Variants in IL1RAPL1 observed in about 807,000 individuals in gnomAD.
IL1RAPL1 encodes the protein interleukin 1 receptor accessory protein like 1, also known as interleukin-1 receptor accessory protein-like 1.
Under a neutral mutation model 48.4 loss-of-function variants are expected in IL1RAPL1, and 3 were observed. The observed-to-expected ratio is 0.06, with a 90% CI of 0.03 to 0.16. The LOEUF is 0.16. IL1RAPL1 is among the 10% of genes least tolerant of loss of function. The pLI, the probability that IL1RAPL1 is intolerant of heterozygous loss-of-function variation, is 1.00. For missense variants in IL1RAPL1, 349 were observed against 530.6 expected, an observed-to-expected ratio of 0.66 and a Z score of 3.36; for synonymous variants, 185 against 187.7, an observed-to-expected ratio of 0.99 and a Z score of 0.12.
intron 2 of IL1RAPL1, among the ~76,000 whole-genome samples, chrX:28,954,158 G>A (rs1311584655): frequency 9.0e-6 from 1 of 111,106 alleles, no homozygotes; most frequent in Non-Finnish European, 1.9e-5. Context: ...CAATTTCAGT[G>A]TTCTTTCTTT....
At chrX:29,741,614 T>C (rs1193396920) in intron 6 of IL1RAPL1, among the ~76,000 whole-genome samples, 1 of 110,126 alleles carries the variant, frequency 9.1e-6, no homozygotes, top group Non-Finnish European at 1.9e-5. Flanking sequence ...CAGTCATAGA[T>C]TGAATGAGAA....
intron 5 of IL1RAPL1, among the ~76,000 whole-genome samples, chrX:29,621,847 T>G (rs1924471131): frequency 8.9e-6 from 1 of 112,042 alleles, no homozygotes; most frequent in African/African-American, 3.2e-5. Flanking sequence ...ACCCTACTGA[T>G]CTATCAAATA....
intron 2 of IL1RAPL1, among the ~76,000 whole-genome samples, chrX:29,252,283 GAA>G (rs1177070111): frequency 3.5e-5 from 1 of 28,921 alleles, no homozygotes; most frequent in African/African-American, 6.0e-5. Context: ...AAAGAAAAAA[GAA>G]AAAAAAAAAG....
rs190269468 is a variant in IL1RAPL1, at chrX:29,322,335, C to T, written c.362+39118C>T. On this transcript the variant is annotated intron_variant, in intron 3 of 10. Coordinates refer to ENST00000378993, the MANE Select transcript of IL1RAPL1 (RefSeq NM_014271.4). ...AGGCTGGAGTGCAATGGCACCAGCT[C>T]GGCCCACTGCAACCTCTGCCTCCTG... 6.0e-3 allele frequency among the ~76,000 whole-genome samples: 649 copies of T among 108,989 alleles called. 3 individuals carry two copies. The highest frequency in any genetic ancestry group is 0.021 in the African/African-American group (617 of 29,874). The allele number at this position is 108,989 out of a possible 115,157, so 94.6% of individuals were successfully genotyped here.
intron 5 of IL1RAPL1, among the ~76,000 whole-genome samples, chrX:29,628,956 T>G (rs1281108360): frequency 4.5e-5 from 5 of 112,192 alleles, no homozygotes. Context: ...AGACTTGTAA[T>G]AATAGCTCTG....
At chrX:29,204,647 G>A (rs1930627445) in intron 2 of IL1RAPL1, among the ~76,000 whole-genome samples, 1 of 112,101 alleles carries the variant, frequency 8.9e-6, no homozygotes, top group African/African-American at 3.2e-5. Context: ...ATTAATAATA[G>A]TTGTAGTAAT....
chrX:28,911,946 A>C (rs1923372026), intron 2 of IL1RAPL1, among the ~76,000 whole-genome samples: 1 of 106,079 alleles, frequency 9.4e-6, no homozygotes, highest in Admixed American at 1.1e-4. Context: ...CTTTAAGTGT[A>C]GCAAAACTGC....
intron 2 of IL1RAPL1, among the ~76,000 whole-genome samples, chrX:28,898,057 G>A (rs1922977141): frequency 9.0e-6 from 1 of 111,465 alleles, no homozygotes; most frequent in Middle Eastern, 4.7e-3. Context: ...GCAGGAACAG[G>A]CCATTTACAT....
At chrX:29,822,890 T>C (rs923697147) in intron 6 of IL1RAPL1, among the ~76,000 whole-genome samples, 1 of 112,054 alleles carries the variant, frequency 8.9e-6, no homozygotes, top group Non-Finnish European at 1.9e-5. Flanking sequence ...GAAGAACTTA[T>C]AGTGGAAGGA....
rs1381013829 is a variant in IL1RAPL1, at chrX:29,329,996, G to A, written c.362+46779G>A. ...TACTGTTACAGGGCTGCTGCTGGTGGTGGTGGAGGGTGATGCAGGAAAGGG... is the reference window on the plus strand; with the variant it reads ...TACTGTTACAGGGCTGCTGCTGGTGATGGTGGAGGGTGATGCAGGAAAGGG... On this transcript the variant is annotated intron_variant, in intron 3 of 10. Transcript: ENST00000378993. Among the ~76,000 whole-genome samples the A allele has an allele frequency of 1.4e-4, 15 of 110,849 alleles. No individual in the cohort carries two copies. The Admixed American group carries it at 1.4e-3, about 11-fold the overall frequency.
In IL1RAPL1 at chrX:29,542,379, T is replaced by C. The variant is rs201967241; in HGVS notation, c.704-126051T>C. ...TGCAGCCCATAATTATGACCAGGGG[T>C]ACTAAGCATGACTTTTTCACTTTCA... is the stretch of plus-strand genomic sequence containing the variant. On this transcript the variant is annotated intron_variant, in intron 5 of 10. Transcript: ENST00000378993. Among the ~76,000 whole-genome samples the C allele has an allele frequency of 1.8e-4, 20 of 111,637 alleles. No homozygotes were observed. The East Asian group carries it at 4.8e-3, about 27-fold the overall frequency.
At chrX:29,530,139 G>C (rs916775015) in intron 5 of IL1RAPL1, among the ~76,000 whole-genome samples, 2 of 110,986 alleles carry the variant, frequency 1.8e-5, no homozygotes, top group Admixed American at 9.6e-5. Flanking sequence ...TTGTATTTTT[G>C]GTTTAAGAAT....
intron 5 of IL1RAPL1, among the ~76,000 whole-genome samples, chrX:29,449,780 C>CACACACACACACAGAGAG (rs557765024): frequency 1.4e-4 from 8 of 58,243 alleles, no homozygotes; most frequent in South Asian, 2.3e-3. Context: ...CACACACACA[C>CACACACACACACAGAGAG]AGAGAGAGAG....
At chrX:28,839,111 T>TAA (rs1921298582) in intron 2 of IL1RAPL1, among the ~76,000 whole-genome samples, 1 of 112,038 alleles carries the variant, frequency 8.9e-6, no homozygotes, top group Admixed American at 9.5e-5. Context: ...TCTATTGTGT[T>TAA]ATTCTGTGCG....
chrX:28,737,986 GAGTC>G (rs1356573952), intron 1 of IL1RAPL1, among the ~76,000 whole-genome samples: 120 of 109,846 alleles, frequency 1.1e-3, no homozygotes, highest in African/African-American at 3.7e-3. Context: ...AGGAAGGAAA[GAGTC>G]AGGGAGGGAG....
At chrX:29,668,942 T>C (rs1926073691) in intron 6 of IL1RAPL1, among the ~76,000 whole-genome samples, 1 of 111,949 alleles carries the variant, frequency 8.9e-6, no homozygotes, top group African/African-American at 3.2e-5. Flanking sequence ...TTAAGTGTAA[T>C]CAAATATAAT....
chrX:29,096,939 T>G, intron 2 of IL1RAPL1, among the ~76,000 whole-genome samples: 1 of 110,262 alleles, frequency 9.1e-6, no homozygotes, highest in Non-Finnish European at 1.9e-5. Flanking sequence ...CTGCCAAAAA[T>G]AAAATAAAAT....
chrX:29,889,282 G>T (rs1235696003), intron 6 of IL1RAPL1, among the ~76,000 whole-genome samples: 1 of 111,473 alleles, frequency 9.0e-6, no homozygotes, highest in African/African-American at 3.3e-5. Flanking sequence ...TTTTGGTATC[G>T]AGTTTAATAT....
At chrX:29,562,074 ATCTATCTAATCT>A (rs751579258) in intron 5 of IL1RAPL1, among the ~76,000 whole-genome samples, 2 of 95,812 alleles carry the variant, frequency 2.1e-5, no homozygotes, top group African/African-American at 4.2e-5. Context: ...CTATCTATCT[ATCTATCTAATCT>A]ATCTGTCTAT....
Sources: allele counts gnomAD v4.1 joint callset (sites outside exome capture counted in the v4.1 genomes callset), GRCh38; gene constraint gnomAD v4.1.1; transcripts MANE v1.5; gene names NCBI Gene and HGNC (gene_info 2026-07-23, HGNC 2026-07-21).